CTNNBIP1: variants seen among roughly 807,000 people sequenced by gnomAD.
The protein encoded by CTNNBIP1 is beta-catenin-interacting protein 1.
A neutral mutation model predicts 11.8 loss-of-function variants in CTNNBIP1; 7 were observed. That is an observed-to-expected ratio of 0.60 (90% CI 0.34 to 1.12). CTNNBIP1 has a LOEUF of 1.12. Ranked by LOEUF, CTNNBIP1 falls within the 50% of genes most tolerant of loss-of-function variation. The probability of loss-of-function intolerance (pLI) is 0.03; values close to 1 mark genes in which losing one functional copy is unlikely to be tolerated. For missense variants in CTNNBIP1, 101 were observed against 113.4 expected (o/e 0.89, Z 0.50); for synonymous variants, 58 against 43.9 (o/e 1.32, Z -1.26).
chr1:9,890,632 C>A lies in CTNNBIP1; in HGVS notation c.-143-6894G>T, dbSNP rs569470776. On this transcript the variant is annotated intron_variant, in intron 1 of 5. Transcript: ENST00000377263. ...TCCAGAGCCTTCTTCTATTTATAAG[C>A]CAATGGAAGGGCTGGAATCCTAGCT... Among the ~76,000 whole-genome samples, 17 of 152,246 alleles carry A rather than the reference C, an allele frequency of 1.1e-4. No individual in the cohort carries two copies. In the South Asian group the frequency reaches 2.9e-3, roughly 26 times the overall value.
chr1:9,886,767 A>G (rs899651895), intron 1 of CTNNBIP1, among the ~76,000 whole-genome samples: 14 of 152,202 alleles, frequency 9.2e-5, no homozygotes, highest in African/African-American at 3.1e-4. Context: ...GGCCTGCCGC[A>G]GCTCCTGCTA....
At chr1:9,863,895 G>A (rs895390983) in intron 5 of CTNNBIP1, among the ~76,000 whole-genome samples, 2 of 152,232 alleles carry the variant, frequency 1.3e-5, no homozygotes, top group Admixed American at 1.3e-4. Context: ...TTGGTGAGCA[G>A]AGAGCTGCCT....
chr1:9,905,485 C>T (rs1157028689), intron 1 of CTNNBIP1, among the ~76,000 whole-genome samples: 7 of 151,514 alleles, frequency 4.6e-5, no homozygotes, highest in East Asian at 3.9e-4. Context: ...GGCAGTGGCA[C>T]GATCTTGGCT....
At chr1:9,868,290 G>A (rs1638789686) in intron 5 of CTNNBIP1, among the ~76,000 whole-genome samples, 1 of 152,194 alleles carries the variant, frequency 6.6e-6, no homozygotes, top group Non-Finnish European at 1.5e-5. Flanking sequence ...CCCCTCCCCG[G>A]AGAAAGAAGT....
intron 5 of CTNNBIP1, among the ~76,000 whole-genome samples, chr1:9,852,484 G>A (rs532227020): frequency 1.1e-4 from 17 of 152,310 alleles, no homozygotes; most frequent in Middle Eastern, 3.4e-3. Flanking sequence ...GGGCACCCTC[G>A]CTTGGGAAGC....
chr1:9,869,408 T>C (rs546766421), intron 5 of CTNNBIP1, among the ~76,000 whole-genome samples: 1 of 152,338 alleles, frequency 6.6e-6, no homozygotes, highest in African/African-American at 2.4e-5. Context: ...AGTCTTGCTC[T>C]GCTGCCCAGG....
intron 1 of CTNNBIP1, among the ~76,000 whole-genome samples, chr1:9,890,501 C>G (rs1314849367): frequency 6.6e-6 from 1 of 152,206 alleles, no homozygotes. Context: ...GACCTGAAGT[C>G]AGGAACCAGC....
chr1:9,901,368 G>A (rs557184708), intron 1 of CTNNBIP1, among the ~76,000 whole-genome samples: 15 of 152,280 alleles, frequency 9.9e-5, no homozygotes, highest in Non-Finnish European at 1.6e-4. Flanking sequence ...AGGTTTGCTT[G>A]GTGATTGATC....
intron 1 of CTNNBIP1, among the ~76,000 whole-genome samples, chr1:9,904,591 G>C (rs2101548813): frequency 6.6e-6 from 1 of 152,276 alleles, no homozygotes; most frequent in Non-Finnish European, 1.5e-5. Context: ...GGGGCCTGGT[G>C]ATGGCAGGGA....
chr1:9,897,183 G>A (rs1051740152), intron 1 of CTNNBIP1, among the ~76,000 whole-genome samples: 2 of 151,850 alleles, frequency 1.3e-5, no homozygotes, highest in African/African-American at 4.8e-5. Flanking sequence ...GGCCAGGCAC[G>A]GTGGCTCAGG....
chr1:9,872,337 A>G lies in CTNNBIP1; in HGVS notation c.-24-249T>C, dbSNP rs751941073. On this transcript the variant is annotated intron_variant, in intron 3 of 5. Transcript: ENST00000377263. The surrounding 1 kb of genome is among the most constrained non-coding windows in gnomAD (Gnocchi z 4.0). Reference sequence around the variant, plus strand: ...GCTGGCCTGCCTGCTGCCTCTGTGCATGAAGCTGCTGCGTCCAGGAAAACT... The same window carrying G: ...GCTGGCCTGCCTGCTGCCTCTGTGCGTGAAGCTGCTGCGTCCAGGAAAACT... Among the ~76,000 whole-genome samples, 1 of 152,226 alleles carries G rather than the reference A, an allele frequency of 6.6e-6. No individual in the cohort carries two copies. Among genetic ancestry groups the G allele is most frequent in the Non-Finnish European group, 1.5e-5 (1 of 68,038 alleles).
intron 1 of CTNNBIP1, among the ~76,000 whole-genome samples, chr1:9,905,743 T>C (rs1022018819): frequency 6.6e-6 from 1 of 152,136 alleles, no homozygotes; most frequent in African/African-American, 2.4e-5. Flanking sequence ...CCACCCTACA[T>C]TCTTTTGTTG....
chr1:9,875,473 C>T (rs568312692), intron 3 of CTNNBIP1, among the ~76,000 whole-genome samples: 2 of 152,288 alleles, frequency 1.3e-5, no homozygotes, highest in South Asian at 2.1e-4. Flanking sequence ...TGATAGGTGC[C>T]GCCCCGTCTT....
chr1:9,888,134 T>G (rs1345986505), intron 1 of CTNNBIP1, among the ~76,000 whole-genome samples: 1 of 151,764 alleles, frequency 6.6e-6, no homozygotes, highest in African/African-American at 2.4e-5. Flanking sequence ...AATTAATTTT[T>G]AAAAAGAAAA....
At chr1:9,888,601 T>A (rs1639235043) in intron 1 of CTNNBIP1, among the ~76,000 whole-genome samples, 1 of 150,726 alleles carries the variant, frequency 6.6e-6, no homozygotes, top group African/African-American at 2.4e-5. Flanking sequence ...GGAGAGGCCC[T>A]GCATCTGTCT....
rs1417149040 is a variant in CTNNBIP1, at chr1:9,851,973, C to T, written c.188-1197G>A. On this transcript the variant is annotated intron_variant, in intron 5 of 5. Coordinates refer to ENST00000377263, the MANE Select transcript of CTNNBIP1 (RefSeq NM_020248.3). This position sits in a 1 kb window ranked among gnomAD's most constrained non-coding sequence, Gnocchi z 4.8. ...AAAAGGCCAGATCTTCACTTTGCCC[C>T]GAAAAGTACCAGTCTGGCTGCCCAT... Among the ~76,000 whole-genome samples the T allele has an allele frequency of 4.6e-5, 7 of 152,164 alleles. No homozygotes were observed. The highest frequency in any genetic ancestry group is 3.9e-4 in the East Asian group (2 of 5,190).
At chr1:9,897,066 C>T (rs929377985) in intron 1 of CTNNBIP1, among the ~76,000 whole-genome samples, 2 of 151,412 alleles carry the variant, frequency 1.3e-5, no homozygotes, top group Admixed American at 6.6e-5. Context: ...CGCTTGAACA[C>T]GGGAGGAGGA....
chr1:9,900,248 A>G (rs1431237628), intron 1 of CTNNBIP1, among the ~76,000 whole-genome samples: 2 of 150,794 alleles, frequency 1.3e-5, no homozygotes, highest in Non-Finnish European at 1.5e-5. Flanking sequence ...ACAAAAAATT[A>G]GCACAGCATG....
chr1:9,902,986 C>A lies in CTNNBIP1; in HGVS notation c.-144+7109G>T, dbSNP rs6689951. Among the ~76,000 whole-genome samples, 533 of 152,224 alleles carry A rather than the reference C, an allele frequency of 3.5e-3. 2 individuals carry two copies. Among genetic ancestry groups the A allele is most frequent in the African/African-American group, 0.012 (514 of 41,542 alleles). On this transcript the variant is annotated intron_variant, in intron 1 of 5. Coordinates refer to ENST00000377263, the MANE Select transcript of CTNNBIP1 (RefSeq NM_020248.3). ...TTCACCATGTTAGCCAAGATGGTCT[C>A]AATCTCCTGACCTCGTGATCCGCCT... is the stretch of plus-strand genomic sequence containing the variant.
Sources: gnomAD v4.1 joint callset for allele counts (sites outside exome capture counted in the v4.1 genomes callset) on GRCh38, gnomAD v4.1.1 for gene constraint, Gnocchi (gnomAD v3.1) non-coding constraint, MANE v1.5 for transcripts, NCBI Gene and HGNC (gene_info 2026-07-23, HGNC 2026-07-21) for gene names.